DLGAP1: variants seen among roughly 807,000 people sequenced by gnomAD.
The protein encoded by DLGAP1 is DLG associated protein 1, also known as disks large-associated protein 1.
A neutral mutation model predicts 90.8 loss-of-function variants in DLGAP1; 11 were observed. The observed-to-expected ratio is 0.12, with a 90% CI of 0.08 to 0.20. The LOEUF (loss-of-function observed/expected upper bound fraction) is 0.20, where lower values mean the gene tolerates loss of function less well. Ranked by LOEUF, DLGAP1 falls within the 10% of genes least tolerant of loss-of-function variation. The probability of loss-of-function intolerance (pLI) is 1.00; values close to 1 mark genes in which losing one functional copy is unlikely to be tolerated. For missense variants in DLGAP1, 1,050 were observed against 1,333.8 expected (o/e 0.79, Z 3.31); for synonymous variants, 558 against 540.7 (o/e 1.03, Z -0.44).
At chr18:4,322,881 A>T (rs779133378) in intron 1 of DLGAP1, among the ~76,000 whole-genome samples, 10 of 148,594 alleles carry the variant, frequency 6.7e-5, no homozygotes, top group Admixed American at 2.0e-4. Flanking sequence ...GACTGGCATG[A>T]ACCCGGGAGG....
chr18:4,321,004 A>G (rs1378424198), intron 1 of DLGAP1, among the ~76,000 whole-genome samples: 1 of 152,242 alleles, frequency 6.6e-6, no homozygotes, highest in Non-Finnish European at 1.5e-5. Context: ...AGTGCAAATG[A>G]AAAATATTTA....
At chr18:3,957,837 A>G (rs1040838632) in intron 3 of DLGAP1, among the ~76,000 whole-genome samples, 1 of 151,162 alleles carries the variant, frequency 6.6e-6, no homozygotes, top group Non-Finnish European at 1.5e-5. Context: ...TAAAGTGTGT[A>G]TTTGATAAAG....
At chr18:3,580,660 G>A in intron 8 of DLGAP1, 3 of 1,607,568 alleles carry the variant, frequency 1.9e-6, no homozygotes, top group Non-Finnish European at 1.7e-6. Flanking sequence ...CGAGGAGATT[G>A]CTGGGCCCGG....
chr18:4,185,936 C>T (rs79445321), intron 1 of DLGAP1, among the ~76,000 whole-genome samples: 124 of 152,224 alleles, frequency 8.1e-4, no homozygotes, highest in African/African-American at 2.9e-3. Flanking sequence ...TCTGCAACCT[C>T]GCCAGCATTT....
chr18:3,994,733 C>G (rs1035897457), intron 3 of DLGAP1, among the ~76,000 whole-genome samples: 1 of 152,160 alleles, frequency 6.6e-6, no homozygotes, highest in Non-Finnish European at 1.5e-5. Flanking sequence ...CCAGAACCAC[C>G]TGCTGCTAAA....
At chr18:4,236,223 T>C (rs567950326) in intron 1 of DLGAP1, among the ~76,000 whole-genome samples, 1 of 152,310 alleles carries the variant, frequency 6.6e-6, no homozygotes, top group South Asian at 2.1e-4. Context: ...AATCAGTAAG[T>C]ACATGAAAAT....
intron 1 of DLGAP1, among the ~76,000 whole-genome samples, chr18:4,343,083 G>A (rs868075232): frequency 3.3e-5 from 5 of 152,084 alleles, no homozygotes; most frequent in East Asian, 1.9e-4. Flanking sequence ...CGAGGCAGGC[G>A]GATCACGAGG....
intron 1 of DLGAP1, among the ~76,000 whole-genome samples, chr18:4,427,476 G>A (rs1318374289): frequency 2.0e-5 from 3 of 152,202 alleles, no homozygotes; most frequent in Admixed American, 1.3e-4. Flanking sequence ...CTAATGCAAC[G>A]AAGGAACCTT....
chr18:4,150,790 T>A (rs190692307), intron 2 of DLGAP1, among the ~76,000 whole-genome samples: 34 of 152,370 alleles, frequency 2.2e-4, no homozygotes, highest in Admixed American at 2.2e-3. Flanking sequence ...TGTGGATAAA[T>A]GCAAATTTGT....
intron 1 of DLGAP1, among the ~76,000 whole-genome samples, chr18:4,269,851 A>C (rs1323432312): frequency 2.6e-5 from 4 of 152,000 alleles, no homozygotes; most frequent in Non-Finnish European, 5.9e-5. Flanking sequence ...TAGGGGGAGA[A>C]TTTCTTGAGT....
intron 7 of DLGAP1, among the ~76,000 whole-genome samples, chr18:3,709,301 G>T (rs371140158): frequency 6.6e-5 from 10 of 152,084 alleles, no homozygotes; most frequent in Non-Finnish European, 1.3e-4. Flanking sequence ...AATATTTACC[G>T]AAGACACCCC....
At chr18:3,650,037 G>GT (rs1599720900) in intron 7 of DLGAP1, among the ~76,000 whole-genome samples, 3 of 152,006 alleles carry the variant, frequency 2.0e-5, no homozygotes, top group Admixed American at 6.6e-5. Context: ...AGACATTACT[G>GT]TTTTTTGTTT....
chr18:3,787,480 CAAAAAAAAAAAAAA>C (rs1189558362), intron 5 of DLGAP1, among the ~76,000 whole-genome samples: 27 of 63,778 alleles, frequency 4.2e-4, no homozygotes, highest in African/African-American at 1.5e-3. Flanking sequence ...AACTCCATCT[CAAAAAAAAAAAAAA>C]AAAAAAAAAA....
Position 3,879,342 on chromosome 18 carries a change from T to C in DLGAP1, c.727A>G (p.Ile243Val). The C allele has an allele frequency of 2.5e-6, 4 of 1,609,566 alleles. No individual in the cohort carries two copies. Among genetic ancestry groups the C allele is most frequent in the Non-Finnish European group, 3.4e-6 (4 of 1,177,746 alleles). ...SQYFLEAYNT[I>V]SEQAVKASRS... ...GAGGCCTTCACCGCCTGCTCGCTGA[T>C]GGTGTTGTAGGCCTCCAGGAAGTAC... Residue 243 changes from isoleucine to valine, a missense_variant, in exon 4 of 13, where the codon ATC (isoleucine) becomes GTC (valine). Physicochemically the swap from Ile to Val is conservative, Grantham distance 29. This residue lies in a region of DLGAP1 where 485 missense variants were observed against 454.1 expected (regional missense o/e 1.07). Transcript: ENST00000315677. This position sits in a 1 kb window ranked among gnomAD's most constrained non-coding sequence, Gnocchi z 6.6.
At chr18:3,860,007 G>C (rs2069928908) in intron 4 of DLGAP1, among the ~76,000 whole-genome samples, 1 of 151,990 alleles carries the variant, frequency 6.6e-6, no homozygotes, top group Non-Finnish European at 1.5e-5. Context: ...GCTGAGGCAG[G>C]AGAATGGCGT....
intron 4 of DLGAP1, among the ~76,000 whole-genome samples, chr18:3,870,595 T>C (rs1487698384): frequency 6.0e-5 from 9 of 149,086 alleles, no homozygotes. Context: ...ACATATTTTA[T>C]ACATAAATAC....
At chr18:3,978,160 G>T in intron 3 of DLGAP1, 1 of 446,684 alleles carries the variant, frequency 2.2e-6, no homozygotes, top group Non-Finnish European at 4.4e-6. Flanking sequence ...GCTGGTGGGG[G>T]GCAAAGCCCT....
At chr18:4,060,880 G>A (rs1191908511) in intron 2 of DLGAP1, among the ~76,000 whole-genome samples, 5 of 152,268 alleles carry the variant, frequency 3.3e-5, no homozygotes, top group Admixed American at 2.6e-4. Flanking sequence ...TGTAAGTCAT[G>A]AGAAAATTCA....
intron 2 of DLGAP1, among the ~76,000 whole-genome samples, chr18:4,040,423 G>A (rs1445472040): frequency 6.6e-6 from 1 of 152,134 alleles, no homozygotes; most frequent in Admixed American, 6.6e-5. Context: ...AAATTTAATG[G>A]ATGGCCCTTT....
Sources: allele counts gnomAD v4.1 joint callset (sites outside exome capture counted in the v4.1 genomes callset), GRCh38; gene constraint gnomAD v4.1.1; regional missense constraint gnomAD v4.1.1; non-coding constraint Gnocchi (gnomAD v3.1); transcripts MANE v1.5; gene names NCBI Gene and HGNC (gene_info 2026-07-23, HGNC 2026-07-21).